The following RNF20 variants were observed in gnomAD, a reference collection of about 807,000 sequenced individuals.
The protein encoded by RNF20 is E3 ubiquitin-protein ligase BRE1A.
A neutral mutation model predicts 126.2 loss-of-function variants in RNF20; 84 were observed. That is an observed-to-expected ratio of 0.67 (90% CI 0.56 to 0.80). RNF20 has a LOEUF of 0.80. Ranked by LOEUF, RNF20 falls within the 30% of genes least tolerant of loss-of-function variation. The pLI, the probability that RNF20 is intolerant of heterozygous loss-of-function variation, is 0.00. For synonymous variants in RNF20, 400 were observed against 414.3 expected (o/e 0.97, Z 0.42); for missense variants, 869 against 1,188.2 (o/e 0.73, Z 3.95).
chr9:101,536,433 AT>A (rs80193358), intron 2 of RNF20, among the ~76,000 whole-genome samples: 18 of 148,534 alleles, frequency 1.2e-4, no homozygotes, highest in African/African-American at 1.2e-4. Flanking sequence ...AGAGAGGCTG[AT>A]TTTTTTTTTT....
At position 101,562,469 on chromosome 9, in the gene RNF20, A is replaced by T; in HGVS notation, c.*47A>T. ...GAGCTGGCTAGTCAGGAACTTATTC[A>T]TTAACCACCAAACCTCTACCTCTTC... On this transcript the variant is annotated 3_prime_UTR_variant, in exon 20 of 20. Coordinates refer to ENST00000389120, the MANE Select transcript of RNF20 (RefSeq NM_019592.7). 2 of 1,544,516 alleles carry T rather than the reference A, an allele frequency of 1.3e-6. No individual in the cohort carries two copies. Among genetic ancestry groups the T allele is most frequent in the Non-Finnish European group, 1.8e-6 (2 of 1,140,172 alleles).
chr9:101,536,715 G>A (rs767715376), intron 2 of RNF20, among the ~76,000 whole-genome samples: 3 of 152,160 alleles, frequency 2.0e-5, no homozygotes, highest in Admixed American at 1.3e-4. Flanking sequence ...TGTTTAGAGT[G>A]GGGTATGTGC....
In RNF20 at chr9:101,561,124, A is replaced by G. The variant is rs191229385; in HGVS notation, c.2543A>G (p.Lys848Arg). ...MEAAQLADDL[K>R]AQLELAQKKL... is the part of the protein sequence containing the mutation. ...GCAGCCCAGCTTGCAGATGACCTCA[A>G]AGCACAACTGGAGTTGGCTCAGAAG... The change falls in exon 18 of 20, where the codon AAA (lysine) becomes AGA (arginine). Residue 848 changes from lysine to arginine, a missense_variant. By Grantham distance (26) the Lys-to-Arg change is conservative. Coordinates refer to ENST00000389120, the MANE Select transcript of RNF20 (RefSeq NM_019592.7). The G allele has an allele frequency of 1.7e-5, 28 of 1,613,932 alleles. No homozygotes were observed. The African/African-American group carries it at 3.2e-4, about 18-fold the overall frequency.
chr9:101,537,597 G>T (rs541803018), intron 2 of RNF20, among the ~76,000 whole-genome samples: 5 of 152,292 alleles, frequency 3.3e-5, no homozygotes, highest in African/African-American at 1.2e-4. Flanking sequence ...GCATAAAGAG[G>T]TCTGCTGGGG....
chr9:101,557,267 A>G (rs188897799), intron 15 of RNF20, 117 bp from the exon 16 acceptor site: 56 of 721,386 alleles, frequency 7.8e-5, no homozygotes, highest in Non-Finnish European at 1.1e-4. Context: ...ACTTCTTAAA[A>G]CTCTGTCACT....
At chr9:101,542,206 A>G (rs572254227) in intron 5 of RNF20, among the ~76,000 whole-genome samples, 1 of 152,322 alleles carries the variant, frequency 6.6e-6, no homozygotes, top group Admixed American at 6.5e-5. Flanking sequence ...GGCCTGTGAA[A>G]ATTTGGTCAC....
chr9:101,558,530 A>T (rs895885066), intron 16 of RNF20, among the ~76,000 whole-genome samples: 3 of 152,188 alleles, frequency 2.0e-5, no homozygotes, highest in Middle Eastern at 3.2e-3. Context: ...CCAACAGTGT[A>T]AAAGTGTTCC....
chr9:101,548,608 AC>A (rs1221728552), intron 9 of RNF20, among the ~76,000 whole-genome samples: 1 of 152,190 alleles, frequency 6.6e-6, no homozygotes, highest in Non-Finnish European at 1.5e-5. Context: ...TGTTGATTAT[AC>A]CTTAATAAAG....
intron 16 of RNF20, 100 bp downstream of exon 16, chr9:101,557,696 T>G: frequency 1.1e-6 from 1 of 907,042 alleles, no homozygotes; most frequent in Non-Finnish European, 1.7e-6. Flanking sequence ...TTTTTGTGAT[T>G]GGAAAAAAAT....
intron 18 of RNF20, 93 bp from the exon 19 acceptor site, chr9:101,561,817 C>G (rs940193523): frequency 1.2e-6 from 1 of 850,714 alleles, no homozygotes; most frequent in Non-Finnish European, 2.1e-6. Flanking sequence ...AGAAAGTCCC[C>G]TCTTTTCACA....
chr9:101,547,168 C>T lies in RNF20; in HGVS notation c.926C>T (p.Ala309Val), dbSNP rs1564109127. The change falls in exon 8 of 20, where the codon GCG becomes GTG. Residue 309 changes from alanine (A) to valine (V), a missense_variant. Around this residue, in one of 8 missense-constraint regions of RNF20, gnomAD observed 153 missense variants for 226.4 expected, o/e 0.68. Transcript: ENST00000389120. The stretch of plus-strand genomic sequence containing the variant: ...TCCAAAGGTTATAAGGTGTATGGAG[C>T]GGGGAGCAGTCTGTATGGCGGCACA... ...VNSKGYKVYGAGSSLYGGTIT... is the reference protein window; with the variant it reads ...VNSKGYKVYGVGSSLYGGTIT... 6.2e-7 allele frequency: 1 copy of T among 1,613,824 alleles called. No individual in the cohort carries two copies. Among genetic ancestry groups the T allele is most frequent in the Non-Finnish European group, 8.5e-7 (1 of 1,179,954 alleles).
In RNF20 at chr9:101,563,150, T is replaced by G. The variant is rs559314372; in HGVS notation, c.*728T>G. The G allele has an allele frequency of 6.5e-5, 10 of 152,698 alleles. No individual in the cohort carries two copies. Among genetic ancestry groups the G allele is most frequent in the African/African-American group, 2.2e-4 (9 of 41,554 alleles). The allele number at this position is 152,698 out of a possible 1,614,324, so 9.5% of individuals were successfully genotyped here. A position where few individuals can be genotyped will look rare whatever the true frequency, so the allele number is the denominator to read the frequency against. ...TGAAATAAAGATTGAAGAGGTTGAG[T>G]CAGGACTGAGCTGGTGAAGAAATCT... On this transcript the variant is annotated 3_prime_UTR_variant, in exon 20 of 20. Transcript: ENST00000389120.
chr9:101,541,361 C>T (rs1307893638), intron 5 of RNF20, among the ~76,000 whole-genome samples: 1 of 152,200 alleles, frequency 6.6e-6, no homozygotes, highest in Non-Finnish European at 1.5e-5. Context: ...AGCCACTGTG[C>T]CTGGACTATA....
rs1827491044 is a variant in RNF20 at position 101,554,092 on chromosome 9, A to C, written c.2006A>C (p.Lys669Thr). 6.3e-7 allele frequency: 1 copy of C among 1,598,766 alleles called. No homozygotes were observed. Among genetic ancestry groups the C allele is most frequent in the Non-Finnish European group, 8.6e-7 (1 of 1,166,260 alleles). ...DKVQLMAAEKKSKAELEDLRQ... is the reference protein window; with the variant it reads ...DKVQLMAAEKTSKAELEDLRQ... ...GTTCAGCTGATGGCAGCTGAGAAGAAGTCTAAGGCAGAGGTATTCTAGTCT... is the reference window on the plus strand; with the variant it reads ...GTTCAGCTGATGGCAGCTGAGAAGACGTCTAAGGCAGAGGTATTCTAGTCT... The change falls in exon 14 of 20, where the codon AAG becomes ACG. Residue 669 changes from lysine to threonine, a missense_variant. Physicochemically the swap from Lys to Thr is moderately conservative, Grantham distance 78. Coordinates refer to ENST00000389120, the MANE Select transcript of RNF20 (RefSeq NM_019592.7).
At chr9:101,543,564 G>A (rs932625614) in intron 5 of RNF20, among the ~76,000 whole-genome samples, 7 of 150,260 alleles carry the variant, frequency 4.7e-5, no homozygotes, top group African/African-American at 1.7e-4. Context: ...TGCCAGGGCG[G>A]CACTGTCTAA....
rs935308273 is a variant in RNF20 at position 101,561,993 on chromosome 9, A to G, written c.2733A>G (p.Glu911=). 4.3e-6 allele frequency: 7 copies of G among 1,610,720 alleles called. No homozygotes were observed. The highest frequency in any genetic ancestry group is 2.2e-5 in the East Asian group (1 of 44,856). The change falls in exon 19 of 20, where the codon GAA becomes GAG. Residue 911 remains glutamate, a synonymous_variant. Coordinates refer to ENST00000389120, the MANE Select transcript of RNF20 (RefSeq NM_019592.7). ...NVPKCDEILM[E]EIKDYKARLT... ...CCAAGTGTGATGAGATTCTGATGGA[A>G]GAGATTAAGGATTACAAGGTTAGAA... is the stretch of plus-strand genomic sequence containing the variant.
intron 16 of RNF20, 116 bp from the exon 17 acceptor site, chr9:101,560,685 G>A (rs1827611896): frequency 1.0e-6 from 1 of 995,526 alleles, no homozygotes; most frequent in South Asian, 1.9e-5. Flanking sequence ...GGCAAAATCA[G>A]TAATAGTTTG....
rs567434651 is a variant in RNF20 at position 101,562,012 on chromosome 9, G to A, written c.2751+1G>A. 1.3e-6 allele frequency: 2 copies of A among 1,596,066 alleles called. No homozygotes were observed. Among genetic ancestry groups the A allele is most frequent in the Non-Finnish European group, 8.5e-7 (1 of 1,171,144 alleles). ...GATGGAAGAGATTAAGGATTACAAG[G>A]TTAGAAAAAATGCCTTAGTGATTAG... On this transcript the variant is annotated splice_donor_variant, in intron 19 of 19. Coordinates refer to ENST00000389120, the MANE Select transcript of RNF20 (RefSeq NM_019592.7). LOFTEE classifies it high-confidence loss of function.
intron 13 of RNF20, 112 bp downstream of exon 13, chr9:101,552,865 T>G: frequency 9.0e-7 from 1 of 1,115,772 alleles, no homozygotes; most frequent in Non-Finnish European, 1.3e-6. Context: ...ATGTTTTAGA[T>G]TGTACAATTA....
Sources: allele counts gnomAD v4.1 joint callset (sites outside exome capture counted in the v4.1 genomes callset), GRCh38; gene constraint gnomAD v4.1.1; regional missense constraint gnomAD v4.1.1; transcripts MANE v1.5; gene names NCBI Gene and HGNC (gene_info 2026-07-23, HGNC 2026-07-21).